TMEM120B: variants seen among roughly 807,000 people sequenced by gnomAD.
The protein encoded by TMEM120B is transmembrane protein 120B.
Under a neutral mutation model 55.5 loss-of-function variants are expected in TMEM120B, and 31 were observed. The observed-to-expected ratio is 0.56, with a 90% confidence interval of 0.42 to 0.75. The LOEUF (loss-of-function observed/expected upper bound fraction) is 0.75, where lower values mean the gene tolerates loss of function less well. Among genes scored for constraint, TMEM120B ranks in the 30% least tolerant of loss-of-function variants. The probability of loss-of-function intolerance (pLI) is 0.00; values close to 1 mark genes in which losing one functional copy is unlikely to be tolerated. For missense variants in TMEM120B, 399 were observed against 425.5 expected (o/e 0.94, Z 0.55); for synonymous variants, 203 against 176.3 (o/e 1.15, Z -1.20).
chr12:121,757,372 C>G (rs1873510325), intron 5 of TMEM120B, among the ~76,000 whole-genome samples: 2 of 151,856 alleles, frequency 1.3e-5, no homozygotes, highest in Non-Finnish European at 2.9e-5. Context: ...GACAGAGTCT[C>G]ACTCTGTCTC....
At chr12:121,761,288 G>T (rs1056261406) in intron 5 of TMEM120B, among the ~76,000 whole-genome samples, 1 of 152,054 alleles carries the variant, frequency 6.6e-6, no homozygotes, top group East Asian at 1.9e-4. Flanking sequence ...CAAGTCTCCC[G>T]TTCTTAAAGT....
chr12:121,749,625 G>A (rs1021859280), intron 3 of TMEM120B, among the ~76,000 whole-genome samples: 6 of 152,286 alleles, frequency 3.9e-5, no homozygotes, highest in Admixed American at 2.0e-4. Flanking sequence ...CTGCAGTGAC[G>A]CTGGGCACAG....
intron 6 of TMEM120B, among the ~76,000 whole-genome samples, chr12:121,764,653 CA>C (rs796148450): frequency 9.8e-4 from 138 of 141,080 alleles, no homozygotes; most frequent in Admixed American, 1.1e-3. Flanking sequence ...GACCCTGACT[CA>C]AAAAAAAAAA....
At chr12:121,747,049 A>G (rs966146009) in intron 2 of TMEM120B, among the ~76,000 whole-genome samples, 1 of 152,242 alleles carries the variant, frequency 6.6e-6, no homozygotes, top group Non-Finnish European at 1.5e-5. Flanking sequence ...ATTATTCTAG[A>G]TGCTCTATGC....
chr12:121,745,329 G>C (rs549688582), intron 2 of TMEM120B, among the ~76,000 whole-genome samples: 1 of 152,248 alleles, frequency 6.6e-6, no homozygotes, highest in Non-Finnish European at 1.5e-5. Context: ...GTGCCTTTTT[G>C]TCTGTCTCTT....
intron 7 of TMEM120B, 145 bp downstream of exon 7, chr12:121,771,117 C>G (rs952954003): frequency 9.0e-6 from 8 of 889,040 alleles, no homozygotes; most frequent in African/African-American, 3.4e-5. Flanking sequence ...GCAGCTGCGC[C>G]GGGCTGCGCG....
intron 1 of TMEM120B, among the ~76,000 whole-genome samples, chr12:121,725,758 C>T (rs1441608325): frequency 3.9e-5 from 6 of 152,126 alleles, no homozygotes; most frequent in African/African-American, 9.7e-5. Flanking sequence ...GAGACAGGGC[C>T]AGGCATGGTG....
intron 5 of TMEM120B, 43 bp downstream of exon 5, chr12:121,752,266 CG>C: frequency 6.4e-7 from 1 of 1,557,400 alleles, no homozygotes; most frequent in Non-Finnish European, 8.8e-7. Context: ...GGCATGCAGA[CG>C]TCAGGTGGGG....
chr12:121,732,877 G>A (rs368858688), intron 1 of TMEM120B, among the ~76,000 whole-genome samples: 19 of 151,946 alleles, frequency 1.3e-4, no homozygotes, highest in African/African-American at 4.3e-4. Flanking sequence ...TACTTGGGAG[G>A]CTGAGGCAGG....
intron 1 of TMEM120B, among the ~76,000 whole-genome samples, chr12:121,740,663 C>T (rs569521572): frequency 5.3e-5 from 8 of 151,872 alleles, no homozygotes; most frequent in East Asian, 1.9e-4. Flanking sequence ...CTTGCTGTCT[C>T]GGGGTGGCAG....
At chr12:121,718,838 G>T (rs943845950) in intron 1 of TMEM120B, among the ~76,000 whole-genome samples, 4 of 152,144 alleles carry the variant, frequency 2.6e-5, no homozygotes, top group African/African-American at 9.7e-5. Context: ...GTGGCAAATG[G>T]CTTCAGGCAA....
intron 8 of TMEM120B, among the ~76,000 whole-genome samples, chr12:121,772,093 CTCTCTCTT>C (rs1160225845): frequency 4.9e-4 from 66 of 135,154 alleles, no homozygotes; most frequent in East Asian, 1.6e-3. Context: ...CTTTCTCTCT[CTCTCTCTT>C]TCTCTCTTTC....
rs28655666 is a variant in TMEM120B at position 121,748,411 on chromosome 12, G to A, written c.274G>A (p.Asp92Asn). Residue 92 changes from aspartate (D) to asparagine (N), a missense_variant, in exon 3 of 12, where the codon GAC (aspartate) becomes AAC (asparagine). Transcript: ENST00000449592. ...CAAGGAGCGGCAGGACGTCTTCTTC[G>A]ACATGGAGGCCTACCTGCCCAAGAA... ...NIKERQDVFF[D>N]MEAYLPKKNG... is the part of the protein sequence containing the mutation. 0.53 allele frequency: 844,971 copies of A among 1,608,380 alleles called. 226,729 individuals carry two copies. Among genetic ancestry groups the A allele is most frequent in the Middle Eastern group, 0.56 (3,364 of 6,040 alleles).
Position 121,733,089 on chromosome 12 carries a change from G to A in TMEM120B, c.70-10540G>A, listed in dbSNP as rs1895034488. 2.6e-5 allele frequency among the ~76,000 whole-genome samples: 4 copies of A among 152,050 alleles called. No individual in the cohort carries two copies. The South Asian group carries it at 8.3e-4, about 32-fold the overall frequency. On this transcript the variant is annotated intron_variant, in intron 1 of 11. Transcript: ENST00000449592. ...AGACATACTTGCCTGTGTGCCCAGA[G>A]AGGCCGTGCAAGGATACTATTCTTT...
rs140179340 is a variant in TMEM120B, at chr12:121,772,586, G to A, written c.680-835G>A. On this transcript the variant is annotated intron_variant, in intron 8 of 11. Coordinates refer to ENST00000449592, the MANE Select transcript of TMEM120B (RefSeq NM_001080825.2). ...ATTACAGGTGCCTGCCACCATGCCT[G>A]GTTACTTTTTGTATTTTGGTAGAGA... is the stretch of plus-strand genomic sequence containing the variant. 2.4e-3 allele frequency among the ~76,000 whole-genome samples: 366 copies of A among 151,894 alleles called. 2 individuals carry two copies. Among genetic ancestry groups the A allele is most frequent in the South Asian group, 0.022 (108 of 4,816 alleles).
intron 1 of TMEM120B, among the ~76,000 whole-genome samples, chr12:121,718,005 G>A (rs1281493765): frequency 6.6e-6 from 1 of 152,132 alleles, no homozygotes; most frequent in Non-Finnish European, 1.5e-5. Flanking sequence ...ACTGCACAGG[G>A]AATCAGTATT....
rs369407488 is a variant in TMEM120B at position 121,721,777 on chromosome 12, C to CT, written c.69+8822dup. Among the ~76,000 whole-genome samples the CT allele has an allele frequency of 4.8e-3, 640 of 132,644 alleles. 11 individuals carry two copies. Among genetic ancestry groups the CT allele is most frequent in the African/African-American group, 0.016 (567 of 34,782 alleles). The allele number at this position is 132,644 out of a possible 152,430, so 87.0% of individuals were successfully genotyped here. A position where few individuals can be genotyped will look rare whatever the true frequency, so the allele number is the denominator to read the frequency against. On this transcript the variant is annotated intron_variant, in intron 1 of 11. Coordinates refer to ENST00000449592, the MANE Select transcript of TMEM120B (RefSeq NM_001080825.2). ...GCCACTGCATTCAGCCCTGGCCCTC[C>CT]TTTTTTTTTGAATGGAATCAGTTCT...
chr12:121,737,515 A>C (rs1196532678), intron 1 of TMEM120B, among the ~76,000 whole-genome samples: 1 of 151,906 alleles, frequency 6.6e-6, no homozygotes, highest in Non-Finnish European at 1.5e-5. Flanking sequence ...AAAAAAAAAA[A>C]AGTCACAGTT....
intron 3 of TMEM120B, among the ~76,000 whole-genome samples, chr12:121,749,905 CAA>C (rs112189031): frequency 6.3e-5 from 5 of 79,834 alleles, no homozygotes; most frequent in Admixed American, 4.7e-4. Context: ...GACTCTGTCT[CAA>C]AAAAAAAAAA....
Sources: gnomAD v4.1 joint callset for allele counts (sites outside exome capture counted in the v4.1 genomes callset) on GRCh38, gnomAD v4.1.1 for gene constraint, MANE v1.5 for transcripts, NCBI Gene and HGNC (gene_info 2026-07-23, HGNC 2026-07-21) for gene names.